Variants in PCDHA1 observed in about 807,000 individuals in gnomAD.
The protein encoded by PCDHA1 is protocadherin alpha-1.
Under a neutral mutation model 61.3 loss-of-function variants are expected in PCDHA1, and 42 were observed. The observed-to-expected ratio is 0.69, with a 90% CI of 0.54 to 0.89. The LOEUF (loss-of-function observed/expected upper bound fraction) is 0.89, where lower values mean the gene tolerates loss of function less well. Among genes scored for constraint, PCDHA1 ranks in the 40% least tolerant of loss-of-function variants. PCDHA1 has a pLI of 0.00. For missense variants in PCDHA1, 1,256 were observed against 1,235.3 expected, an observed-to-expected ratio of 1.02 and a Z score of -0.25; for synonymous variants, 610 against 553.8, an observed-to-expected ratio of 1.10 and a Z score of -1.43.
At position 140,807,574 on chromosome 5, in the gene PCDHA1, C is replaced by T. The variant is rs371480931; in HGVS notation, c.2394+18890C>T. On this transcript the variant is annotated intron_variant, in intron 1 of 3. Coordinates refer to ENST00000504120, the MANE Select transcript of PCDHA1 (RefSeq NM_018900.4). ...TGGAGGTGAGGGACATTAACGATAA[C>T]CCGCCGGTGTTCCCAGCAACACAAA... is the stretch of plus-strand genomic sequence containing the variant. The T allele has an allele frequency of 3.2e-5, 51 of 1,614,058 alleles. 1 individual carries two copies. In the Middle Eastern group the frequency reaches 9.9e-4, roughly 31 times the overall value.
intron 1 of PCDHA1, among the ~76,000 whole-genome samples, chr5:140,958,077 A>C (rs2095408004): frequency 1.3e-5 from 2 of 152,124 alleles, no homozygotes; most frequent in African/African-American, 4.8e-5. Context: ...AGAAGCAAAA[A>C]GTAAAGTTGT....
intron 1 of PCDHA1, chr5:140,807,835 T>C (rs1554124302): frequency 1.9e-6 from 3 of 1,614,194 alleles, no homozygotes; most frequent in South Asian, 2.2e-5. Context: ...CAGCCACTGA[T>C]GGAGGCAAAC....
intron 1 of PCDHA1, chr5:140,856,875 T>A: frequency 1.9e-6 from 3 of 1,595,778 alleles, no homozygotes; most frequent in Non-Finnish European, 2.6e-6. Context: ...AACAAGGAAA[T>A]GATGTATTCA....
intron 1 of PCDHA1, among the ~76,000 whole-genome samples, chr5:140,938,406 T>C (rs1283027205): frequency 6.6e-6 from 1 of 152,240 alleles, no homozygotes; most frequent in African/African-American, 2.4e-5. Flanking sequence ...ATTGTTTGAT[T>C]GGGTTTATTT....
chr5:140,809,359 T>C, intron 1 of PCDHA1: 1 of 1,614,052 alleles, frequency 6.2e-7, no homozygotes, highest in South Asian at 1.1e-5. Flanking sequence ...TGCGGTGCTC[T>C]GCGCTGCCCA....
Position 141,012,299 on chromosome 5 carries a change from A to G in PCDHA1, c.*2362A>G, listed in dbSNP as rs1554263904. 1 of 153,754 alleles carries G rather than the reference A, an allele frequency of 6.5e-6. No homozygotes were observed. Among genetic ancestry groups the G allele is most frequent in the African/African-American group, 2.4e-5 (1 of 41,456 alleles). The allele number at this position is 153,754 out of a possible 1,614,324, so 9.5% of individuals were successfully genotyped here. A position where few individuals can be genotyped will look rare whatever the true frequency, so the allele number is the denominator to read the frequency against. ...TGTGGATTCATTTTGAATTGGTGCT[A>G]TTGGTATTTCCTCTGTTATTGCTAA... On this transcript the variant is annotated 3_prime_UTR_variant, in exon 4 of 4. Transcript: ENST00000504120.
intron 1 of PCDHA1, chr5:140,863,284 G>A (rs1554158061): frequency 1.4e-6 from 2 of 1,461,880 alleles, no homozygotes; most frequent in Non-Finnish European, 1.9e-6. Flanking sequence ...GGATGTCAAC[G>A]TGTACCTGAT....
intron 1 of PCDHA1, among the ~76,000 whole-genome samples, chr5:140,891,658 C>T (rs1241439148): frequency 6.6e-6 from 1 of 151,928 alleles, no homozygotes; most frequent in Non-Finnish European, 1.5e-5. Context: ...GATAGTTCAC[C>T]CACCTTAAAG....
intron 1 of PCDHA1, chr5:140,884,380 C>T (rs1281344307): frequency 6.2e-7 from 1 of 1,613,980 alleles, no homozygotes; most frequent in Non-Finnish European, 8.5e-7. Context: ...TCATTGCCAT[C>T]TGCGCGGTGT....
chr5:140,966,436 G>T, intron 1 of PCDHA1: 1 of 421,750 alleles, frequency 2.4e-6, no homozygotes. Flanking sequence ...CCCTCCTACC[G>T]CTCCCTTTCC....
chr5:140,801,647 T>C (rs1554121607), intron 1 of PCDHA1: 2 of 1,614,218 alleles, frequency 1.2e-6, no homozygotes, highest in Non-Finnish European at 1.7e-6. Context: ...AGCCTGGCTC[T>C]CGGTTTTCGC....
chr5:140,805,590 C>G (rs1332394833), intron 1 of PCDHA1: 1 of 930,856 alleles, frequency 1.1e-6, no homozygotes, highest in Non-Finnish European at 1.3e-6. Context: ...ACCATTATGT[C>G]TTTATATATT....
At position 140,786,965 on chromosome 5, in the gene PCDHA1, A is replaced by G. The variant is rs368999909; in HGVS notation, c.675A>G (p.Thr225=). ...TDGGKPELQG[T]VELLITVLDV... ...GGGGCAAACCGGAGCTGCAAGGTAC[A>G]GTTGAGCTGCTGATCACCGTCCTCG... Residue 225 remains threonine, a synonymous_variant, in exon 1 of 4, where the codon ACA becomes ACG. Transcript: ENST00000504120. 71 of 1,614,078 alleles carry G rather than the reference A, an allele frequency of 4.4e-5. No individual in the cohort carries two copies. In the African/African-American group the frequency reaches 8.8e-4, roughly 20 times the overall value.
In PCDHA1 at chr5:140,828,877, C is replaced by T. The variant is rs2150160055; in HGVS notation, c.2394+40193C>T. 121 of 1,614,072 alleles carry T rather than the reference C, an allele frequency of 7.5e-5. 1 individual carries two copies. In the South Asian group the frequency reaches 1.2e-3, roughly 15 times the overall value. On this transcript the variant is annotated intron_variant, in intron 1 of 3. Coordinates refer to ENST00000504120, the MANE Select transcript of PCDHA1 (RefSeq NM_018900.4). ...ATGCAGACAACGGAACAACAGTTAT[C>T]AGACTGAATGCTTCTGATCGGGATG...
chr5:140,968,614 A>G, intron 1 of PCDHA1: 5 of 1,614,142 alleles, frequency 3.1e-6, no homozygotes, highest in Non-Finnish European at 4.2e-6. Flanking sequence ...ACTCTGGGCA[A>G]AATGCTTGGC....
At position 140,858,811 on chromosome 5, in the gene PCDHA1, T is replaced by A. The variant is rs2045603382; in HGVS notation, c.2394+70127T>A. The A allele has an allele frequency of 1.4e-5, 5 of 354,112 alleles. No homozygotes were observed. The South Asian group carries it at 1.7e-4, about 12-fold the overall frequency. The allele number at this position is 354,112 out of a possible 1,614,324, so 21.9% of individuals were successfully genotyped here. A position where few individuals can be genotyped will look rare whatever the true frequency, so the allele number is the denominator to read the frequency against. ...TTTCATTTCCAATCTAAATTTTGAT[T>A]TGATTGTATTTGCATTACCAAAAAA... On this transcript the variant is annotated intron_variant, in intron 1 of 3. Transcript: ENST00000504120.
intron 1 of PCDHA1, chr5:140,823,286 C>A: frequency 1.2e-6 from 2 of 1,612,438 alleles, no homozygotes; most frequent in Non-Finnish European, 8.5e-7. Flanking sequence ...CGCCCGCTGT[C>A]GAGTTACGTT....
At chr5:140,794,864 C>A (rs1406565785) in intron 1 of PCDHA1, 7 of 1,288,644 alleles carry the variant, frequency 5.4e-6, no homozygotes, top group Admixed American at 2.4e-5. Context: ...TTCAGAGAAG[C>A]GGAGGAATAA....
Position 140,849,712 on chromosome 5 carries a change from C to T in PCDHA1, c.2394+61028C>T, listed in dbSNP as rs2150446144. 1.9e-6 allele frequency: 3 copies of T among 1,598,618 alleles called. No individual in the cohort carries two copies. On this transcript the variant is annotated intron_variant, in intron 1 of 3. Transcript: ENST00000504120. ...GTGTCCACCTACAAGAATTACTACT[C>T]GTTGGTGCTGGACAGAGCTCTGGAC... is the stretch of plus-strand genomic sequence containing the variant.
Sources: gnomAD v4.1 joint callset for allele counts (sites outside exome capture counted in the v4.1 genomes callset) on GRCh38, gnomAD v4.1.1 for gene constraint, MANE v1.5 for transcripts, NCBI Gene and HGNC (gene_info 2026-07-23, HGNC 2026-07-21) for gene names.